The following GRM8 variants were observed in gnomAD, a reference collection of about 807,000 sequenced individuals.
The protein encoded by GRM8 is metabotropic glutamate receptor 8.
A neutral mutation model predicts 87.2 loss-of-function variants in GRM8; 47 were observed. That is an observed-to-expected ratio of 0.54 (90% CI 0.43 to 0.69). GRM8 has a LOEUF of 0.69. GRM8 is among the 30% of genes least tolerant of loss of function. The pLI is 0.00. For synonymous variants in GRM8, 396 were observed against 404.5 expected (o/e 0.98, Z 0.25); for missense variants, 1,019 against 1,139.2 (o/e 0.89, Z 1.52).
chr7:126,967,599 C>T (rs993429798), intron 3 of GRM8, among the ~76,000 whole-genome samples: 9 of 151,934 alleles, frequency 5.9e-5, no homozygotes, highest in African/African-American at 2.2e-4. Flanking sequence ...GACCTTGCTT[C>T]TTCATTTTTG....
chr7:126,976,945 G>GC (rs1811054356), intron 3 of GRM8, among the ~76,000 whole-genome samples: 1 of 150,528 alleles, frequency 6.6e-6, no homozygotes, highest in South Asian at 2.1e-4. Context: ...GTTGCATAAT[G>GC]AATGCAACAC....
At chr7:126,781,233 C>T (rs563449652) in intron 6 of GRM8, among the ~76,000 whole-genome samples, 1 of 152,254 alleles carries the variant, frequency 6.6e-6, no homozygotes, top group Admixed American at 6.5e-5. Flanking sequence ...AGGGGAATCC[C>T]ACTAGCCTGC....
At chr7:126,563,989 C>T (rs971578121) in intron 8 of GRM8, among the ~76,000 whole-genome samples, 1 of 152,044 alleles carries the variant, frequency 6.6e-6, no homozygotes, top group Non-Finnish European at 1.5e-5. Context: ...TCATCAGGTC[C>T]AAGGCAAAAA....
Position 127,203,635 on chromosome 7 carries a change from G to T in GRM8, c.510+39060C>A, listed in dbSNP as rs185201931. Among the ~76,000 whole-genome samples the T allele has an allele frequency of 1.1e-3, 169 of 152,200 alleles. 1 individual carries two copies. The highest frequency in any genetic ancestry group is 4.0e-3 in the African/African-American group (165 of 41,512). ...AGCCAGGAGAATCGCTTGAACCAGG[G>T]AAGTGGAGGTTGCAGTGATCCAAGA... On this transcript the variant is annotated intron_variant, in intron 2 of 10. Transcript: ENST00000339582.
intron 1 of GRM8, among the ~76,000 whole-genome samples, chr7:127,245,243 T>C (rs528943569): frequency 6.6e-6 from 1 of 152,348 alleles, no homozygotes; most frequent in Non-Finnish European, 1.5e-5. Flanking sequence ...ACCAGTCACA[T>C]GATAGTAAAA....
At chr7:127,064,223 T>C (rs1263123039) in intron 3 of GRM8, among the ~76,000 whole-genome samples, 1 of 152,206 alleles carries the variant, frequency 6.6e-6, no homozygotes, top group African/African-American at 2.4e-5. Context: ...GTCAGTAAAA[T>C]GTTGAAGTTT....
intron 3 of GRM8, among the ~76,000 whole-genome samples, chr7:127,089,849 A>G (rs1184848079): frequency 6.6e-6 from 1 of 152,196 alleles, no homozygotes; most frequent in Non-Finnish European, 1.5e-5. Flanking sequence ...GAATTTTGCC[A>G]GGAAATAATT....
intron 8 of GRM8, among the ~76,000 whole-genome samples, chr7:126,553,956 C>T (rs1283959441): frequency 6.6e-6 from 1 of 152,158 alleles, no homozygotes; most frequent in African/African-American, 2.4e-5. Context: ...ATGGGATTTG[C>T]TCCCAATGTT....
chr7:127,063,679 G>C (rs1331234356), intron 3 of GRM8, among the ~76,000 whole-genome samples: 1 of 152,152 alleles, frequency 6.6e-6, no homozygotes, highest in Non-Finnish European at 1.5e-5. Flanking sequence ...TCTTCTGCTA[G>C]CTTTGGGGTG....
At chr7:126,766,369 A>G (rs559125397) in intron 7 of GRM8, among the ~76,000 whole-genome samples, 8 of 152,286 alleles carry the variant, frequency 5.3e-5, no homozygotes, top group African/African-American at 1.9e-4. Context: ...GGAGCATACA[A>G]AGAAATGTAT....
chr7:126,696,525 G>A lies in GRM8; in HGVS notation c.1357+73340C>T, dbSNP rs142787077. On this transcript the variant is annotated intron_variant, in intron 7 of 10. Transcript: ENST00000339582. ...GTGTTAGTTTGCTGAGGATAATGAC[G>A]CAGTGGTAACACATGGAAGCCTCCT... Among the ~76,000 whole-genome samples the A allele has an allele frequency of 1.4e-3, 213 of 152,202 alleles. 1 individual carries two copies. Among genetic ancestry groups the A allele is most frequent in the African/African-American group, 4.8e-3 (199 of 41,538 alleles).
chr7:127,237,694 C>A (rs1231053443), intron 2 of GRM8, among the ~76,000 whole-genome samples: 1 of 152,174 alleles, frequency 6.6e-6, no homozygotes, highest in African/African-American at 2.4e-5. Context: ...GGGAAGGATA[C>A]ACTACAGACT....
chr7:126,668,530 C>T (rs1431608727), intron 7 of GRM8, among the ~76,000 whole-genome samples: 1 of 152,150 alleles, frequency 6.6e-6, no homozygotes, highest in Non-Finnish European at 1.5e-5. Context: ...CCGCCACCCC[C>T]ATCCCTGCCA....
At position 126,465,588 on chromosome 7, in the gene GRM8, T is replaced by A. The variant is rs952048272; in HGVS notation, c.2431-19216A>T. Among the ~76,000 whole-genome samples, 6 of 151,990 alleles carry A rather than the reference T, an allele frequency of 3.9e-5. No homozygotes were observed. In the East Asian group the frequency reaches 9.7e-4, roughly 25 times the overall value. On this transcript the variant is annotated intron_variant, in intron 9 of 10. Coordinates refer to ENST00000339582, the MANE Select transcript of GRM8 (RefSeq NM_000845.3). ...TTTAGTTATTTGATATTTATGCTGTTGTAAATTTTATATTTTTATTTTTAT... is the reference window on the plus strand; with the variant it reads ...TTTAGTTATTTGATATTTATGCTGTAGTAAATTTTATATTTTTATTTTTAT...
chr7:126,674,119 A>G (rs953476380), intron 7 of GRM8, among the ~76,000 whole-genome samples: 3 of 151,878 alleles, frequency 2.0e-5, no homozygotes, highest in Admixed American at 6.6e-5. Flanking sequence ...GCCAGTTCCC[A>G]TTTATTTTCT....
intron 3 of GRM8, among the ~76,000 whole-genome samples, chr7:127,078,037 GA>G (rs753594679): frequency 1.4e-4 from 21 of 152,238 alleles, no homozygotes; most frequent in Non-Finnish European, 2.8e-4. Flanking sequence ...AAATGTCACA[GA>G]GTTGAGAAGG....
At chr7:126,585,901 G>A (rs531638215) in intron 8 of GRM8, among the ~76,000 whole-genome samples, 23 of 152,290 alleles carry the variant, frequency 1.5e-4, no homozygotes, top group Admixed American at 6.5e-4. Context: ...GTCCCTGTTT[G>A]TAGATGACAT....
chr7:126,497,593 T>C (rs1808955549), intron 9 of GRM8, among the ~76,000 whole-genome samples: 1 of 151,988 alleles, frequency 6.6e-6, no homozygotes, highest in South Asian at 2.1e-4. Flanking sequence ...GTTGATGTCC[T>C]TGCCCCATTT....
chr7:126,900,571 G>T (rs868633443), intron 6 of GRM8, among the ~76,000 whole-genome samples: 8 of 152,166 alleles, frequency 5.3e-5, no homozygotes, highest in Middle Eastern at 3.4e-3. Context: ...GTGCAGTGGT[G>T]CAATCTCAGC....
Sources: gnomAD v4.1 joint callset for allele counts (sites outside exome capture counted in the v4.1 genomes callset) on GRCh38, gnomAD v4.1.1 for gene constraint, MANE v1.5 for transcripts, NCBI Gene and HGNC (gene_info 2026-07-23, HGNC 2026-07-21) for gene names.